The following COL5A2 variants were observed in gnomAD, a reference collection of about 807,000 sequenced individuals.
COL5A2 encodes collagen type V alpha 2 chain.
In COL5A2, 23 loss-of-function variants were observed where a neutral mutation model predicts 208.2. The observed-to-expected ratio is 0.11, with a 90% CI of 0.08 to 0.16. The LOEUF is 0.16. Among genes scored for constraint, COL5A2 ranks in the 10% least tolerant of loss-of-function variants. The pLI is 1.00. For synonymous variants in COL5A2, 625 were observed against 628.5 expected, an observed-to-expected ratio of 0.99 and a Z score of 0.08; for missense variants, 1,590 against 1,956.4, an observed-to-expected ratio of 0.81 and a Z score of 3.53.
chr2:189,218,743 T>C (rs539333477), intron 1 of COL5A2, among the ~76,000 whole-genome samples: 1 of 152,124 alleles, frequency 6.6e-6, no homozygotes, highest in African/African-American at 2.4e-5. Context: ...CTGTGTACAA[T>C]TGAATTGGAA....
In COL5A2 at chr2:189,179,640, GA is replaced by G. The variant is rs922043222; in HGVS notation, c.-37del. ...TAGACATGTGGGTTCTCCTGAGAGT[GA>G]AAAGTAGATTCTGAGGTTATTGTAG... On this transcript the variant is annotated 5_prime_UTR_variant, in exon 1 of 54. Coordinates refer to ENST00000374866, the MANE Select transcript of COL5A2 (RefSeq NM_000393.5). The G allele has an allele frequency of 4.3e-5, 67 of 1,574,748 alleles. No individual in the cohort carries two copies. Among genetic ancestry groups the G allele is most frequent in the Non-Finnish European group, 5.5e-5 (64 of 1,157,482 alleles).
At chr2:189,115,926 G>A (rs190430260) in intron 1 of COL5A2, among the ~76,000 whole-genome samples, 1 of 152,284 alleles carries the variant, frequency 6.6e-6, no homozygotes, top group African/African-American at 2.4e-5. Flanking sequence ...GAAAGGGAAT[G>A]GTCACTTGGT....
At position 189,063,026 on chromosome 2, in the gene COL5A2, C is replaced by A; in HGVS notation, c.1907G>T (p.Gly636Val). The change falls in exon 28 of 54, where the codon GGA becomes GTA. Residue 636 changes from glycine (G) to valine (V), a missense_variant. Coordinates refer to ENST00000374866, the MANE Select transcript of COL5A2 (RefSeq NM_000393.5). Reference sequence around the variant, plus strand: ...TATATTTACCCTCTGCCCAGGAACTCCAGCATTTCCTGCTTCTCCAGGTTT... The same window carrying A: ...TATATTTACCCTCTGCCCAGGAACTACAGCATTTCCTGCTTCTCCAGGTTT... ...PGKPGEAGNA[G>V]VPGQRGAPGK... The A allele has an allele frequency of 6.2e-7, 1 of 1,614,142 alleles. No homozygotes were observed. The highest frequency in any genetic ancestry group is 1.3e-5 in the African/African-American group (1 of 75,040).
the COL5A2 span, among the ~76,000 whole-genome samples, chr2:189,318,757 C>T: frequency 6.6e-6 from 1 of 152,138 alleles, no homozygotes; most frequent in South Asian, 2.1e-4. Context: ...TCTCTCAGAT[C>T]TGGGGGAGGA....
intron 1 of COL5A2, among the ~76,000 whole-genome samples, chr2:189,212,385 C>T (rs1689224601): frequency 6.6e-6 from 1 of 152,102 alleles, no homozygotes; most frequent in Admixed American, 6.5e-5. Context: ...TGCCTGTAAT[C>T]ACAGCACTTT....
At chr2:189,159,903 A>T (rs946958151) in intron 1 of COL5A2, among the ~76,000 whole-genome samples, 2 of 151,816 alleles carry the variant, frequency 1.3e-5, no homozygotes, top group Non-Finnish European at 2.9e-5. Context: ...AATAATAATT[A>T]AATTAAAAAT....
At chr2:189,256,119 G>T in the COL5A2 span, among the ~76,000 whole-genome samples, 7 of 152,158 alleles carry the variant, frequency 4.6e-5, no homozygotes, top group African/African-American at 1.7e-4. Flanking sequence ...TTCAACAAGG[G>T]TTGAGATTTA....
the COL5A2 span, among the ~76,000 whole-genome samples, chr2:189,334,359 T>C: frequency 6.6e-6 from 1 of 151,686 alleles, no homozygotes; most frequent in Non-Finnish European, 1.5e-5. Context: ...CTCTAGGGAG[T>C]TTCCAGAAAT....
chr2:189,122,369 T>G (rs370832354), intron 1 of COL5A2, among the ~76,000 whole-genome samples: 17 of 152,048 alleles, frequency 1.1e-4, no homozygotes, highest in Non-Finnish European at 2.4e-4. Context: ...AAACTCTGCC[T>G]GGGAAAGAGG....
the COL5A2 span, among the ~76,000 whole-genome samples, chr2:189,383,424 C>T: frequency 1.3e-5 from 2 of 152,130 alleles, no homozygotes; most frequent in African/African-American, 4.8e-5. Flanking sequence ...TTAATTACCA[C>T]TTTAACGACC....
chr2:189,316,150 AC>A, the COL5A2 span, among the ~76,000 whole-genome samples: 1 of 152,198 alleles, frequency 6.6e-6, no homozygotes, highest in African/African-American at 2.4e-5. Flanking sequence ...TTATAAAGAC[AC>A]ATGCACATGT....
At chr2:189,307,472 A>G in the COL5A2 span, among the ~76,000 whole-genome samples, 1 of 152,198 alleles carries the variant, frequency 6.6e-6, no homozygotes, top group Non-Finnish European at 1.5e-5. Context: ...AAATTAGACA[A>G]TAGAGTCCTA....
At chr2:189,052,595 A>G (rs775963843) in intron 40 of COL5A2, among the ~76,000 whole-genome samples, 154 bp downstream of exon 40, 2 of 152,218 alleles carry the variant, frequency 1.3e-5, no homozygotes, top group African/African-American at 2.4e-5. Flanking sequence ...CCAAATCTCC[A>G]TCTGAGTTAA....
At chr2:189,103,654 G>A (rs1576529136) in intron 3 of COL5A2, among the ~76,000 whole-genome samples, 1 of 151,990 alleles carries the variant, frequency 6.6e-6, no homozygotes, top group Non-Finnish European at 1.5e-5. Flanking sequence ...AGCTATACTC[G>A]GGTCATGGAT....
At position 189,062,142 on chromosome 2, in the gene COL5A2, A is replaced by G. The variant is rs371456822; in HGVS notation, c.1978-527T>C. ...CTAAAATGAAAATAGACCTCAAAGAATAAGTATTATTCCTTTTATGTCCTA... is the reference window on the plus strand; with the variant it reads ...CTAAAATGAAAATAGACCTCAAAGAGTAAGTATTATTCCTTTTATGTCCTA... On this transcript the variant is annotated intron_variant, in intron 29 of 53. Coordinates refer to ENST00000374866, the MANE Select transcript of COL5A2 (RefSeq NM_000393.5). Among the ~76,000 whole-genome samples, 14 of 151,954 alleles carry G rather than the reference A, an allele frequency of 9.2e-5. No homozygotes were observed. The East Asian group carries it at 9.7e-4, about 11-fold the overall frequency.
the COL5A2 span, among the ~76,000 whole-genome samples, chr2:189,400,381 A>G: frequency 6.6e-6 from 1 of 152,168 alleles, no homozygotes; most frequent in African/African-American, 2.4e-5. Context: ...CTATATAAAC[A>G]CTTCCTTATT....
chr2:189,295,866 G>A, the COL5A2 span, among the ~76,000 whole-genome samples: 1 of 152,088 alleles, frequency 6.6e-6, no homozygotes, highest in Non-Finnish European at 1.5e-5. Context: ...ACAAACATAT[G>A]TTCCTGTGAA....
At chr2:189,357,168 C>T in the COL5A2 span, among the ~76,000 whole-genome samples, 14 of 152,158 alleles carry the variant, frequency 9.2e-5, no homozygotes, top group African/African-American at 3.4e-4. Flanking sequence ...AGATGTCTGT[C>T]GGCCCCTACT....
chr2:189,130,906 G>A (rs1687700037), intron 1 of COL5A2, among the ~76,000 whole-genome samples: 1 of 151,992 alleles, frequency 6.6e-6, no homozygotes, highest in South Asian at 2.1e-4. Flanking sequence ...AGAAATATAA[G>A]TGTTAACAGA....
Sources: gnomAD v4.1 joint callset for allele counts (sites outside exome capture counted in the v4.1 genomes callset) on GRCh38, gnomAD v4.1.1 for gene constraint, MANE v1.5 for transcripts, NCBI Gene and HGNC (gene_info 2026-07-23, HGNC 2026-07-21) for gene names.